Variants in PNPLA4 observed in about 807,000 individuals in gnomAD.
The protein encoded by PNPLA4 is patatin-like phospholipase domain-containing protein 4.
A neutral mutation model predicts 18.3 loss-of-function variants in PNPLA4; 15 were observed. The observed-to-expected ratio is 0.82, with a 90% CI of 0.55 to 1.26. The LOEUF is 1.26. Among genes scored for constraint, PNPLA4 ranks in the 50% most tolerant of loss-of-function variants. The pLI is 0.00. For missense variants in PNPLA4, 229 were observed against 196.8 expected, an observed-to-expected ratio of 1.16 and a Z score of -0.98; for synonymous variants, 88 against 85.6, an observed-to-expected ratio of 1.03 and a Z score of -0.16.
chrX:7,900,483 T>C lies in PNPLA4; in HGVS notation c.*203A>G, dbSNP rs1325119042. On this transcript the variant is annotated 3_prime_UTR_variant, in exon 7 of 7. Transcript: ENST00000381042. Reference sequence around the variant, plus strand: ...AATGATTCCTTATCACCTAAGTGTATCCTTCTTAATGACGTTGTCAAATTC... The same window carrying C: ...AATGATTCCTTATCACCTAAGTGTACCCTTCTTAATGACGTTGTCAAATTC... 7.0e-6 allele frequency: 2 copies of C among 287,115 alleles called. No homozygotes were observed. The highest frequency in any genetic ancestry group is 2.8e-5 in the African/African-American group (1 of 36,083). The allele number at this position is 287,115 out of a possible 1,213,427, so 23.7% of individuals were successfully genotyped here. A position where few individuals can be genotyped will look rare whatever the true frequency, so the allele number is the denominator to read the frequency against.
intron 4 of PNPLA4, among the ~76,000 whole-genome samples, chrX:7,918,194 A>G (rs1279610788): frequency 9.0e-6 from 1 of 111,218 alleles, no homozygotes; most frequent in East Asian, 2.8e-4. Flanking sequence ...GTATTAGTTC[A>G]TTTTCACACT....
At chrX:7,921,625 A>G in intron 4 of PNPLA4, 88 bp downstream of exon 4, 1 of 820,095 alleles carries the variant, frequency 1.2e-6, no homozygotes. Flanking sequence ...CACAGGATCT[A>G]AAGAACGTGG....
rs1313580517 is a variant in PNPLA4, at chrX:7,912,207, A to G, written c.412-114T>C. ...CAATAAATAAGCCCCACAGACTTCA[A>G]GTGCAGCACTGCACGTAATTACATA... On this transcript the variant is annotated intron_variant, in intron 4 of 6. Transcript: ENST00000381042. The G allele has an allele frequency of 2.5e-5, 12 of 484,521 alleles. No individual in the cohort carries two copies. In the South Asian group the frequency reaches 3.5e-4, roughly 14 times the overall value. The allele number at this position is 484,521 out of a possible 1,213,427, so 39.9% of individuals were successfully genotyped here.
chrX:7,927,590 G>C (rs1924485518), upstream of PNPLA4: 1 of 113,570 alleles, frequency 8.8e-6, no homozygotes, highest in East Asian at 2.8e-4. Flanking sequence ...TTATCTTCGA[G>C]TACCTAGAGA....
intron 4 of PNPLA4, 33 bp from the exon 5 acceptor site, chrX:7,912,126 T>C (rs758849147): frequency 1.9e-6 from 2 of 1,051,360 alleles, no homozygotes; most frequent in South Asian, 3.8e-5. Flanking sequence ...CAGCTCATGA[T>C]TACAGGCATG....
intron 4 of PNPLA4, among the ~76,000 whole-genome samples, chrX:7,918,804 C>T (rs924491774): frequency 4.5e-5 from 5 of 111,671 alleles, no homozygotes; most frequent in African/African-American, 1.3e-4. Context: ...GATCATGTCC[C>T]TACCTGGCAG....
chrX:7,903,735 T>C (rs1235336060), intron 5 of PNPLA4, among the ~76,000 whole-genome samples: 1 of 112,010 alleles, frequency 8.9e-6, no homozygotes, highest in African/African-American at 3.2e-5. Context: ...AAATTCCTTT[T>C]GAGAGAATTG....
chrX:7,922,152 T>C, intron 2 of PNPLA4, 54 bp from the exon 3 acceptor site: 1 of 883,292 alleles, frequency 1.1e-6, no homozygotes, highest in Non-Finnish European at 1.6e-6. Context: ...AAACAATCAT[T>C]CCACTTCTAA....
chrX:7,912,007 C>A (rs1187663313), intron 5 of PNPLA4, 21 bp downstream of exon 5: 1 of 1,110,613 alleles, frequency 9.0e-7, no homozygotes, highest in Non-Finnish European at 1.2e-6. Flanking sequence ...GAGGGTAATT[C>A]CTCAGTTATA....
At position 7,912,029 on chromosome X, in the gene PNPLA4, T is replaced by A; in HGVS notation, c.476A>T (p.Gln159Leu). 1 of 1,193,643 alleles carries A rather than the reference T, an allele frequency of 8.4e-7. No homozygotes were observed. The change falls in exon 5 of 7, where the codon CAG (glutamine) becomes CTG (leucine). Residue 159 changes from glutamine (Q) to leucine (L), a missense_variant and splice_region_variant. Coordinates refer to ENST00000381042, the MANE Select transcript of PNPLA4 (RefSeq NM_004650.3). ...AGLKLVEYKG[Q>L]KWVDGGLTNA... ...ATTCCTCAGTTATAACAAGCTTACC[T>A]GCCCTTTGTATTCCACTAGCTTCAG...
chrX:7,908,062 A>C (rs936865486), intron 5 of PNPLA4, among the ~76,000 whole-genome samples: 3 of 111,729 alleles, frequency 2.7e-5, no homozygotes, highest in African/African-American at 9.8e-5. Context: ...TTAAGGTATG[A>C]TTCTTCTAAG....
At chrX:7,907,109 C>T (rs151225749) in intron 5 of PNPLA4, among the ~76,000 whole-genome samples, 2,329 of 111,134 alleles carry the variant, frequency 0.021, 33 homozygotes, top group Middle Eastern at 0.056. Flanking sequence ...CCTCTGCCTC[C>T]TGGGTTCAAG....
At chrX:7,904,106 G>A (rs1923634199) in intron 5 of PNPLA4, among the ~76,000 whole-genome samples, 1 of 111,759 alleles carries the variant, frequency 8.9e-6, no homozygotes, top group South Asian at 3.7e-4. Flanking sequence ...ATAATACCCA[G>A]AAGGGAAAAG....
chrX:7,908,401 G>A (rs1923776057), intron 5 of PNPLA4, among the ~76,000 whole-genome samples: 1 of 112,353 alleles, frequency 8.9e-6, no homozygotes, highest in Admixed American at 9.4e-5. Flanking sequence ...GGTGTATTCA[G>A]CACAACTGAA....
At chrX:7,911,997 G>A (rs1174265696) in intron 5 of PNPLA4, 31 bp downstream of exon 5, 2 of 991,419 alleles carry the variant, frequency 2.0e-6, no homozygotes, top group Non-Finnish European at 2.9e-6. Flanking sequence ...ATATAGGGAG[G>A]AGGGTAATTC....
At position 7,921,852 on chromosome X, in the gene PNPLA4, A is replaced by G; in HGVS notation, c.276-4T>C. 1 of 1,202,550 alleles carries G rather than the reference A, an allele frequency of 8.3e-7. No individual in the cohort carries two copies. The highest frequency in any genetic ancestry group is 1.1e-6 in the Non-Finnish European group (1 of 888,822). On this transcript the variant is annotated splice_region_variant and splice_polypyrimidine_tract_variant and intron_variant, in intron 3 of 6. Transcript: ENST00000381042. Reference sequence around the variant, plus strand: ...AAGAATCGACTCCATCCCACTTCTAAAGAAGAAAAAGCAATCTGAATTACT... The same window carrying G: ...AAGAATCGACTCCATCCCACTTCTAGAGAAGAAAAAGCAATCTGAATTACT...
intron 2 of PNPLA4, among the ~76,000 whole-genome samples, chrX:7,925,615 G>A (rs1271147021): frequency 8.9e-5 from 10 of 111,936 alleles, no homozygotes; most frequent in Admixed American, 8.5e-4. Context: ...CTTGAAAACA[G>A]GCCCCATGCT....
intron 4 of PNPLA4, among the ~76,000 whole-genome samples, chrX:7,913,376 T>C (rs1482618065): frequency 8.9e-6 from 1 of 112,082 alleles, no homozygotes; most frequent in African/African-American, 3.2e-5. Context: ...ACCTCAATAG[T>C]GGCACTAAAG....
At chrX:7,906,211 T>C (rs1166410525) in intron 5 of PNPLA4, among the ~76,000 whole-genome samples, 2 of 111,838 alleles carry the variant, frequency 1.8e-5, no homozygotes, top group Admixed American at 1.9e-4. Flanking sequence ...ATTCCTAAAA[T>C]AGAAGGGAGA....
Sources: allele counts gnomAD v4.1 joint callset (sites outside exome capture counted in the v4.1 genomes callset), GRCh38; gene constraint gnomAD v4.1.1; transcripts MANE v1.5; gene names NCBI Gene and HGNC (gene_info 2026-07-23, HGNC 2026-07-21).